SBF2: variants seen among roughly 807,000 people sequenced by gnomAD.
SBF2 encodes SET binding factor 2.
In SBF2, 112 loss-of-function variants were observed where a neutral mutation model predicts 225.2. The ratio of observed to expected loss-of-function variants is 0.50; its 90% CI spans 0.43 to 0.58. SBF2 has a LOEUF of 0.58. SBF2 is among the 20% of genes least tolerant of loss of function. The pLI is 0.00. For missense variants in SBF2, 1,996 were observed against 2,206.2 expected (o/e 0.90, Z 1.91); for synonymous variants, 763 against 773.3 (o/e 0.99, Z 0.22).
intron 16 of SBF2, among the ~76,000 whole-genome samples, chr11:9,935,822 A>G (rs896297548): frequency 2.6e-5 from 4 of 152,360 alleles, no homozygotes; most frequent in African/African-American, 9.6e-5. Context: ...TGGATTAAAG[A>G]CTTAAATGTT....
In SBF2 at chr11:9,885,273, A is replaced by C. The variant is rs956473333; in HGVS notation, c.1929+10670T>G. ...CTCCAAAAAAAAAAAAAAAAAAAAA[A>C]AAACCCCACCCCCCCAAAAAAAACC... On this transcript the variant is annotated intron_variant, in intron 17 of 39. Transcript: ENST00000256190. 9.1e-4 allele frequency among the ~76,000 whole-genome samples: 136 copies of C among 150,022 alleles called. 1 individual carries two copies. The highest frequency in any genetic ancestry group is 3.2e-3 in the African/African-American group (130 of 40,892).
intron 2 of SBF2, among the ~76,000 whole-genome samples, chr11:10,088,735 G>A (rs903425625): frequency 1.3e-5 from 2 of 152,152 alleles, no homozygotes; most frequent in African/African-American, 4.8e-5. Flanking sequence ...GTACCCCCAC[G>A]ATCCAAACAC....
chr11:10,161,644 G>C (rs1480457210), intron 2 of SBF2, among the ~76,000 whole-genome samples: 1 of 152,116 alleles, frequency 6.6e-6, no homozygotes. Flanking sequence ...TCTGGCCAAA[G>C]AGATACCAGT....
Position 9,970,164 on chromosome 11 carries a change from T to C in SBF2, c.1396-1619A>G, listed in dbSNP as rs187253275. On this transcript the variant is annotated intron_variant, in intron 13 of 39. Transcript: ENST00000256190. Reference sequence around the variant, plus strand: ...AAATTCCTTATTCCCACTGAACTTATGTTATTCATGCTGTAGATTAAACTC... The same window carrying C: ...AAATTCCTTATTCCCACTGAACTTACGTTATTCATGCTGTAGATTAAACTC... Among the ~76,000 whole-genome samples the C allele has an allele frequency of 1.7e-3, 263 of 152,254 alleles. 5 individuals are homozygous for C. The highest frequency in any genetic ancestry group is 0.01 in the Admixed American group (160 of 15,294).
intron 38 of SBF2, among the ~76,000 whole-genome samples, chr11:9,782,869 C>T (rs1194704088): frequency 1.2e-5 from 1 of 85,638 alleles, no homozygotes; most frequent in East Asian, 3.2e-4. Flanking sequence ...GACTCTGTCT[C>T]AAAAGAAAAA....
chr11:10,238,981 G>T (rs2135455862), intron 1 of SBF2, among the ~76,000 whole-genome samples: 1 of 150,800 alleles, frequency 6.6e-6, no homozygotes, highest in Non-Finnish European at 1.5e-5. Flanking sequence ...TGCAGCAACT[G>T]ATGAGAACAT....
chr11:10,162,173 AC>A (rs1955776671), intron 2 of SBF2, among the ~76,000 whole-genome samples: 3 of 147,530 alleles, frequency 2.0e-5, no homozygotes, highest in South Asian at 4.3e-4. Context: ...GCCCCAAATC[AC>A]CTACCTTGTC....
rs1853959227 is a variant in SBF2 at position 9,808,178 on chromosome 11, G to C, written c.4265C>G (p.Ser1422Cys). ...EGWDITAQVTSLVQLLSDPFY... is the reference protein window; with the variant it reads ...EGWDITAQVTCLVQLLSDPFY... ...GGGATCACTGAGTAACTGAACCAGG[G>C]ATGTCACCTAGGGCATAAGCAGGAT... Residue 1422 changes from serine to cysteine, a missense_variant, in exon 32 of 40, where the codon TCC becomes TGC. Coordinates refer to ENST00000256190, the MANE Select transcript of SBF2 (RefSeq NM_030962.4). 6.2e-7 allele frequency: 1 copy of C among 1,613,692 alleles called. No individual in the cohort carries two copies. The highest frequency in any genetic ancestry group is 8.5e-7 in the Non-Finnish European group (1 of 1,179,910).
intron 33 of SBF2, among the ~76,000 whole-genome samples, chr11:9,792,941 T>TGTG (rs1564858036): frequency 1.7e-5 from 1 of 58,008 alleles, no homozygotes; most frequent in African/African-American, 4.9e-5. Context: ...GTGTGTGTGT[T>TGTG]TTTTTTTTTT....
chr11:10,275,954 A>G (rs1162727441), intron 1 of SBF2, among the ~76,000 whole-genome samples: 1 of 152,200 alleles, frequency 6.6e-6, no homozygotes. Context: ...TCAACATTTG[A>G]AAATTCTCTG....
chr11:9,993,890 C>T, intron 10 of SBF2, 31 bp downstream of exon 10: 1 of 1,476,392 alleles, frequency 6.8e-7, no homozygotes, highest in Non-Finnish European at 9.5e-7. Context: ...CTCTCTTTAA[C>T]AGCATTAAAT....
chr11:10,175,513 A>G (rs2135265424), intron 2 of SBF2, among the ~76,000 whole-genome samples: 1 of 151,848 alleles, frequency 6.6e-6, no homozygotes, highest in East Asian at 1.9e-4. Context: ...TTCATAAAGC[A>G]AGTCCTGAGC....
intron 7 of SBF2, among the ~76,000 whole-genome samples, chr11:10,001,508 A>C (rs991757866): frequency 4.6e-5 from 7 of 152,148 alleles, no homozygotes; most frequent in Non-Finnish European, 1.5e-5. Context: ...AGTTAAGAAA[A>C]GCACCTAAAT....
intron 32 of SBF2, among the ~76,000 whole-genome samples, chr11:9,800,774 C>A (rs1311494513): frequency 6.6e-6 from 1 of 152,114 alleles, no homozygotes; most frequent in Admixed American, 6.5e-5. Flanking sequence ...GTCTTGAACT[C>A]CTGGGCTCAA....
chr11:9,780,897 A>G (rs1851961895), intron 39 of SBF2: 2 of 320,064 alleles, frequency 6.2e-6, no homozygotes, highest in East Asian at 1.6e-4. Context: ...AGATTCATGC[A>G]TACCATAAAG....
Position 10,093,206 on chromosome 11 carries a change from A to G in SBF2, c.142-50225T>C, listed in dbSNP as rs547774103. On this transcript the variant is annotated intron_variant, in intron 2 of 39. Transcript: ENST00000256190. ...TAATTTTTGTATTTTCATTAGAGACAGTTTTGCCATGTTGACCAAGCTGGT... is the reference window on the plus strand; with the variant it reads ...TAATTTTTGTATTTTCATTAGAGACGGTTTTGCCATGTTGACCAAGCTGGT... Among the ~76,000 whole-genome samples the G allele has an allele frequency of 6.6e-5, 10 of 151,880 alleles. No individual in the cohort carries two copies. In the South Asian group the frequency reaches 1.9e-3, roughly 28 times the overall value.
At chr11:9,951,449 C>A (rs910321565) in intron 16 of SBF2, among the ~76,000 whole-genome samples, 1 of 152,048 alleles carries the variant, frequency 6.6e-6, no homozygotes, top group African/African-American at 2.4e-5. Context: ...TGAATTTAGG[C>A]TTGAGATTTG....
intron 2 of SBF2, among the ~76,000 whole-genome samples, chr11:10,074,737 T>C (rs1370039581): frequency 6.6e-6 from 1 of 152,202 alleles, no homozygotes; most frequent in East Asian, 1.9e-4. Flanking sequence ...CAGAGTAATT[T>C]TGTTTTTGGT....
chr11:9,981,140 A>C (rs1170893019), intron 13 of SBF2, among the ~76,000 whole-genome samples: 1 of 152,232 alleles, frequency 6.6e-6, no homozygotes, highest in African/African-American at 2.4e-5. Flanking sequence ...GTGTCCAAAA[A>C]GGTCCATCTA....
Sources: gnomAD v4.1 joint callset for allele counts (sites outside exome capture counted in the v4.1 genomes callset) on GRCh38, gnomAD v4.1.1 for gene constraint, MANE v1.5 for transcripts, NCBI Gene and HGNC (gene_info 2026-07-23, HGNC 2026-07-21) for gene names.